Variants in EXOC2 observed in about 807,000 individuals in gnomAD.
The protein encoded by EXOC2 is SEC5-like 1.
Under a neutral mutation model 131.8 loss-of-function variants are expected in EXOC2, and 70 were observed. The ratio of observed to expected loss-of-function variants is 0.53; its 90% CI spans 0.44 to 0.65. EXOC2 has a LOEUF of 0.65. Ranked by LOEUF, EXOC2 falls within the 30% of genes least tolerant of loss-of-function variation. The pLI, the probability that EXOC2 is intolerant of heterozygous loss-of-function variation, is 0.00. For missense variants in EXOC2, 923 were observed against 1,108.6 expected (o/e 0.83, Z 2.38); for synonymous variants, 411 against 398.4 (o/e 1.03, Z -0.38).
At chr6:545,098 G>C (rs913354073) in intron 22 of EXOC2, among the ~76,000 whole-genome samples, 3 of 137,782 alleles carry the variant, frequency 2.2e-5, no homozygotes, top group Non-Finnish European at 4.6e-5. Flanking sequence ...AGTGAGCCGA[G>C]ATTGCGCCAC....
chr6:594,218 C>T (rs1759693002), intron 10 of EXOC2, among the ~76,000 whole-genome samples: 2 of 152,232 alleles, frequency 1.3e-5, no homozygotes, highest in Non-Finnish European at 1.5e-5. Flanking sequence ...TTTAGCTTGG[C>T]ACAGGGGATT....
chr6:489,933 G>C (rs1490424092), intron 26 of EXOC2, among the ~76,000 whole-genome samples: 1 of 152,236 alleles, frequency 6.6e-6, no homozygotes, highest in African/African-American at 2.4e-5. Context: ...GGCATCTCCA[G>C]CTGCTCCCGG....
At chr6:628,390 C>T (rs981271699) in intron 4 of EXOC2, among the ~76,000 whole-genome samples, 3 of 152,182 alleles carry the variant, frequency 2.0e-5, no homozygotes, top group African/African-American at 7.2e-5. Context: ...AGGAACACTG[C>T]TGTTAGACGC....
At chr6:505,205 T>C (rs545961192) in intron 23 of EXOC2, among the ~76,000 whole-genome samples, 26 of 152,330 alleles carry the variant, frequency 1.7e-4, no homozygotes, top group African/African-American at 6.3e-4. Flanking sequence ...ACGTTTGTCC[T>C]TGACAGTACT....
chr6:574,337 C>T (rs890760358), intron 12 of EXOC2, among the ~76,000 whole-genome samples: 19 of 152,302 alleles, frequency 1.2e-4, no homozygotes, highest in African/African-American at 4.3e-4. Flanking sequence ...ATACTTCCAC[C>T]GGTGACACGT....
chr6:646,770 T>G (rs1446823123), intron 1 of EXOC2, among the ~76,000 whole-genome samples: 4 of 152,250 alleles, frequency 2.6e-5, no homozygotes, highest in Non-Finnish European at 5.9e-5. Context: ...TTGCTACCTC[T>G]TTAAACATGC....
At chr6:564,469 C>A in intron 15 of EXOC2, 76 bp downstream of exon 15, 1 of 1,560,888 alleles carries the variant, frequency 6.4e-7, no homozygotes, top group Admixed American at 1.8e-5. Context: ...TTCTTCTTCA[C>A]TGAATGTATT....
chr6:564,040 C>T lies in EXOC2; in HGVS notation c.1782G>A (p.Thr594=), dbSNP rs991889791. ...CGATTTATCAAAACACACCTTCCGC[C>T]GTGTGCTGCAACGTGGCCATTACGC... ...VRCVMATLQH[T]AEEIKRLAEK... Residue 594 remains threonine, a synonymous_variant, in exon 16 of 28, where the codon ACG becomes ACA. Coordinates refer to ENST00000230449, the MANE Select transcript of EXOC2 (RefSeq NM_018303.6). 1.1e-5 allele frequency: 17 copies of T among 1,613,734 alleles called. No individual in the cohort carries two copies. In the African/African-American group the frequency reaches 1.5e-4, roughly 14 times the overall value.
chr6:686,614 T>C (rs1764667498), intron 1 of EXOC2, among the ~76,000 whole-genome samples: 1 of 152,184 alleles, frequency 6.6e-6, no homozygotes, highest in Admixed American at 6.5e-5. Context: ...ATCTGTTATA[T>C]ATATACCGGA....
chr6:643,931 T>A (rs1170257210), intron 1 of EXOC2, among the ~76,000 whole-genome samples: 1 of 152,116 alleles, frequency 6.6e-6, no homozygotes, highest in Non-Finnish European at 1.5e-5. Flanking sequence ...ACAACTTAGA[T>A]GAAATGAATT....
chr6:592,337 A>T (rs1759584918), intron 11 of EXOC2, 132 bp downstream of exon 11: 1 of 780,216 alleles, frequency 1.3e-6, no homozygotes, highest in African/African-American at 1.7e-5. Context: ...AAAAAACCAC[A>T]AAACAAGCAA....
chr6:567,336 T>C (rs910708859), intron 13 of EXOC2, among the ~76,000 whole-genome samples: 13 of 152,194 alleles, frequency 8.5e-5, no homozygotes, highest in Admixed American at 3.3e-4. Flanking sequence ...TGTGGTTGTG[T>C]CCTTCTCTTG....
chr6:594,320 CTG>C (rs1186754455), intron 10 of EXOC2, among the ~76,000 whole-genome samples: 1 of 152,218 alleles, frequency 6.6e-6, no homozygotes, highest in Non-Finnish European at 1.5e-5. Context: ...AAATAGTACA[CTG>C]TGTCTTTCTT....
At chr6:653,480 A>T (rs906916918) in intron 1 of EXOC2, among the ~76,000 whole-genome samples, 5 of 151,798 alleles carry the variant, frequency 3.3e-5, no homozygotes, top group Admixed American at 2.0e-4. Flanking sequence ...TTGAAGATAA[A>T]CCAGCCACAA....
At chr6:494,573 G>A (rs1179890045) in intron 25 of EXOC2, among the ~76,000 whole-genome samples, 1 of 152,052 alleles carries the variant, frequency 6.6e-6, no homozygotes, top group Non-Finnish European at 1.5e-5. Flanking sequence ...CCAGCACCCT[G>A]TGACGATCCC....
intron 1 of EXOC2, among the ~76,000 whole-genome samples, chr6:659,876 G>A (rs557285379): frequency 6.6e-6 from 1 of 152,244 alleles, no homozygotes; most frequent in South Asian, 2.1e-4. Context: ...ACTTGGGAGA[G>A]GACGCAAATC....
intron 1 of EXOC2, among the ~76,000 whole-genome samples, chr6:687,171 C>CTTTATGTTTTT (rs1764696677): frequency 1.3e-5 from 1 of 78,360 alleles, no homozygotes; most frequent in Non-Finnish European, 2.2e-5. Flanking sequence ...AAATAATATT[C>CTTTATGTTTTT]TTTTTTTTTT....
At chr6:555,387 A>G (rs898264470) in intron 19 of EXOC2, 99 bp from the exon 20 acceptor site, 27 of 679,280 alleles carry the variant, frequency 4.0e-5, no homozygotes, top group South Asian at 2.7e-4. Flanking sequence ...GTAGAATTAT[A>G]TATCTCATTA....
At chr6:628,121 C>G (rs1273608548) in intron 4 of EXOC2, among the ~76,000 whole-genome samples, 3 of 152,164 alleles carry the variant, frequency 2.0e-5, no homozygotes, top group Non-Finnish European at 4.4e-5. Context: ...CTTCCTGATT[C>G]CTCGCATCGA....
Sources: gnomAD v4.1 joint callset for allele counts (sites outside exome capture counted in the v4.1 genomes callset) on GRCh38, gnomAD v4.1.1 for gene constraint, MANE v1.5 for transcripts, NCBI Gene and HGNC (gene_info 2026-07-23, HGNC 2026-07-21) for gene names.